Variants in KIAA1958 observed in about 807,000 individuals in gnomAD.
The protein encoded by KIAA1958 is uncharacterized protein KIAA1958.
In KIAA1958, 14 loss-of-function variants were observed where a neutral mutation model predicts 47.2. The observed-to-expected ratio is 0.30, with a 90% CI of 0.20 to 0.46. The LOEUF (loss-of-function observed/expected upper bound fraction) is 0.46, where lower values mean the gene tolerates loss of function less well. KIAA1958 is among the 20% of genes least tolerant of loss of function. The pLI is 1.00. For missense variants in KIAA1958, 803 were observed against 909.2 expected, an observed-to-expected ratio of 0.88 and a Z score of 1.50; for synonymous variants, 354 against 353.3, an observed-to-expected ratio of 1.00 and a Z score of -0.02.
chr9:112,522,351 C>T (rs1038832856), intron 1 of KIAA1958, among the ~76,000 whole-genome samples: 1 of 152,208 alleles, frequency 6.6e-6, no homozygotes, highest in Non-Finnish European at 1.5e-5. Context: ...AGGGATCTTA[C>T]TCTTTTTTAG....
chr9:112,628,533 A>C (rs532538787), intron 2 of KIAA1958, among the ~76,000 whole-genome samples: 1 of 152,224 alleles, frequency 6.6e-6, no homozygotes, highest in East Asian at 1.9e-4. Context: ...GAGTCACACA[A>C]AATTATTTCT....
chr9:112,629,052 G>A (rs1426103530), intron 2 of KIAA1958, among the ~76,000 whole-genome samples: 1 of 152,152 alleles, frequency 6.6e-6, no homozygotes, highest in Non-Finnish European at 1.5e-5. Flanking sequence ...AATGAATGCT[G>A]TATTCAACAA....
chr9:112,538,167 CAAAAAAT>C (rs1834886557), intron 1 of KIAA1958, among the ~76,000 whole-genome samples: 1 of 151,742 alleles, frequency 6.6e-6, no homozygotes, highest in South Asian at 2.1e-4. Context: ...CCCATCTCTA[CAAAAAAT>C]AAAAAATAAA....
intron 2 of KIAA1958, among the ~76,000 whole-genome samples, chr9:112,591,330 C>A (rs141896231): frequency 0.011 from 1,748 of 152,128 alleles, 16 homozygotes; most frequent in Non-Finnish European, 0.017. Flanking sequence ...ATGATCCGCC[C>A]GTCTCGGCCT....
intron 3 of KIAA1958, among the ~76,000 whole-genome samples, chr9:112,655,853 T>G (rs1002795131): frequency 3.9e-5 from 6 of 152,214 alleles, no homozygotes; most frequent in African/African-American, 1.4e-4. Flanking sequence ...TCTCTGGAAT[T>G]TTGAAACTGG....
At chr9:112,506,872 TA>T (rs1371886932) in intron 1 of KIAA1958, among the ~76,000 whole-genome samples, 3 of 152,210 alleles carry the variant, frequency 2.0e-5, no homozygotes, top group Non-Finnish European at 4.4e-5. Context: ...AGATTGTGCT[TA>T]ACTAGAAGTG....
chr9:112,512,364 T>G (rs146481868), intron 1 of KIAA1958, among the ~76,000 whole-genome samples: 2 of 152,268 alleles, frequency 1.3e-5, no homozygotes, highest in East Asian at 3.9e-4. Flanking sequence ...GGAAAACAGT[T>G]TATTATATTA....
intron 2 of KIAA1958, among the ~76,000 whole-genome samples, chr9:112,602,776 C>G (rs1340410236): frequency 6.6e-6 from 1 of 152,176 alleles, no homozygotes; most frequent in Non-Finnish European, 1.5e-5. Context: ...TTCCCTGACT[C>G]TCTGAAGGGT....
At chr9:112,565,055 T>C (rs933257898) in intron 1 of KIAA1958, among the ~76,000 whole-genome samples, 1 of 152,210 alleles carries the variant, frequency 6.6e-6, no homozygotes, top group African/African-American at 2.4e-5. Flanking sequence ...TTGCAATTAT[T>C]GTTGTATTAT....
At position 112,495,986 on chromosome 9, in the gene KIAA1958, A is replaced by G. The variant is rs531723581; in HGVS notation, c.-25+8868A>G. 2.0e-5 allele frequency among the ~76,000 whole-genome samples: 3 copies of G among 152,308 alleles called. No homozygotes were observed. In the East Asian group the frequency reaches 5.8e-4, roughly 29 times the overall value. On this transcript the variant is annotated intron_variant, in intron 1 of 3. Coordinates refer to ENST00000337530, the MANE Select transcript of KIAA1958 (RefSeq NM_133465.4). ...AGCCAATGACCAGTACTTACTGACA[A>G]ACTTGAGTGAGGCCATCTTTGACCT... is the stretch of plus-strand genomic sequence containing the variant.
At chr9:112,653,104 C>T (rs576633025) in intron 3 of KIAA1958, among the ~76,000 whole-genome samples, 4 of 152,232 alleles carry the variant, frequency 2.6e-5, no homozygotes, top group Admixed American at 2.6e-4. Context: ...AAATTAAGTG[C>T]AATGGGATCC....
At chr9:112,657,325 C>G (rs1372617618) in intron 3 of KIAA1958, among the ~76,000 whole-genome samples, 4 of 152,246 alleles carry the variant, frequency 2.6e-5, no homozygotes, top group South Asian at 2.1e-4. Flanking sequence ...AAACTGACCT[C>G]AAGTGATCCT....
At chr9:112,588,372 G>A (rs1835865521) in intron 2 of KIAA1958, among the ~76,000 whole-genome samples, 1 of 152,136 alleles carries the variant, frequency 6.6e-6, no homozygotes, top group African/African-American at 2.4e-5. Flanking sequence ...TCCATGTAAA[G>A]GGCTTAGAAC....
At chr9:112,640,990 TA>T (rs758156343) in intron 2 of KIAA1958, among the ~76,000 whole-genome samples, 4 of 151,406 alleles carry the variant, frequency 2.6e-5, no homozygotes, top group Admixed American at 1.3e-4. Context: ...CACAATCCTT[TA>T]AAAAAAAACC....
chr9:112,617,954 C>T (rs1048853258), intron 2 of KIAA1958: 10 of 1,550,558 alleles, frequency 6.4e-6, no homozygotes, highest in South Asian at 2.4e-5. Flanking sequence ...CCGCAATTTC[C>T]GTGAGTTCCT....
chr9:112,608,976 T>C (rs1055848484), intron 2 of KIAA1958, among the ~76,000 whole-genome samples: 4 of 152,224 alleles, frequency 2.6e-5, no homozygotes, highest in African/African-American at 7.2e-5. Context: ...GGAAAAAGTT[T>C]CTTTACTCCT....
intron 3 of KIAA1958, among the ~76,000 whole-genome samples, chr9:112,657,869 T>G (rs546977082): frequency 1.3e-5 from 2 of 152,154 alleles, no homozygotes; most frequent in South Asian, 2.1e-4. Context: ...CTTTTTTTTT[T>G]TTTTGAGACA....
rs1837370732 is a variant in KIAA1958, at chr9:112,667,818, A to G, written c.*7749A>G. ...TTACAAAGATAATAAGTTGTACAGC[A>G]ACCTACGAGGCTTGATTTAAATAAA... On this transcript the variant is annotated 3_prime_UTR_variant, in exon 4 of 4. Transcript: ENST00000337530. 6.6e-6 allele frequency: 1 copy of G among 152,228 alleles called. No individual in the cohort carries two copies. The highest frequency in any genetic ancestry group is 6.5e-5 in the Admixed American group (1 of 15,278). 9.4% of individuals were successfully genotyped at this position (152,228 alleles called of 1,614,324 possible). A position where few individuals can be genotyped will look rare whatever the true frequency, so the allele number is the denominator to read the frequency against.
At chr9:112,510,225 A>G (rs1391694866) in intron 1 of KIAA1958, among the ~76,000 whole-genome samples, 1 of 152,158 alleles carries the variant, frequency 6.6e-6, no homozygotes, top group Non-Finnish European at 1.5e-5. Context: ...ATTGTGTGCA[A>G]AAAGGCCTGG....
Sources: allele counts gnomAD v4.1 joint callset (sites outside exome capture counted in the v4.1 genomes callset), GRCh38; gene constraint gnomAD v4.1.1; transcripts MANE v1.5; gene names NCBI Gene and HGNC (gene_info 2026-07-23, HGNC 2026-07-21).